KYAT3: variants seen among roughly 807,000 people sequenced by gnomAD.
KYAT3 encodes the protein kynurenine--oxoglutarate transaminase 3.
A neutral mutation model predicts 59.0 loss-of-function variants in KYAT3; 50 were observed. The ratio of observed to expected loss-of-function variants is 0.85; its 90% CI spans 0.68 to 1.07. The LOEUF (loss-of-function observed/expected upper bound fraction) is 1.07, where lower values mean the gene tolerates loss of function less well. KYAT3 is among the 50% of genes least tolerant of loss of function. The pLI is 0.00. For synonymous variants in KYAT3, 148 were observed against 177.0 expected (o/e 0.84, Z 1.30); for missense variants, 497 against 533.3 (o/e 0.93, Z 0.67).
chr1:88,953,564 AAAG>A (rs1466762064), intron 9 of KYAT3, among the ~76,000 whole-genome samples: 4 of 150,880 alleles, frequency 2.7e-5, no homozygotes, highest in Non-Finnish European at 1.5e-5. Context: ...AAAAAAAAAA[AAAG>A]TTCACACTAT....
chr1:88,937,276 T>G (rs1295712452), intron 13 of KYAT3, among the ~76,000 whole-genome samples: 1 of 151,960 alleles, frequency 6.6e-6, no homozygotes, highest in Admixed American at 6.5e-5. Flanking sequence ...AAAGCCCAGG[T>G]CGGGTGAAGA....
the KYAT3 span, among the ~76,000 whole-genome samples, chr1:88,930,325 C>G: frequency 6.6e-6 from 1 of 152,202 alleles, no homozygotes; most frequent in Non-Finnish European, 1.5e-5. Context: ...ATATCAGGCT[C>G]TATTACTTGA....
chr1:88,974,775 A>G (rs561283149), intron 2 of KYAT3, among the ~76,000 whole-genome samples: 55 of 152,284 alleles, frequency 3.6e-4, no homozygotes, highest in African/African-American at 1.2e-3. Context: ...GTCTTGCTAA[A>G]GGATTGTAAA....
intron 13 of KYAT3, among the ~76,000 whole-genome samples, chr1:88,937,668 C>T (rs1031964064): frequency 6.6e-6 from 1 of 152,022 alleles, no homozygotes; most frequent in Admixed American, 6.6e-5. Flanking sequence ...GCAAACACCA[C>T]CTTAATCAGG....
At chr1:88,935,377 A>G (rs985340131), downstream of KYAT3, among the ~76,000 whole-genome samples, 9 of 62,492 alleles carry the variant, frequency 1.4e-4, no homozygotes, top group African/African-American at 2.8e-4. Flanking sequence ...AGAGAGAGAG[A>G]AAAAAAAAAG....
chr1:88,952,954 C>A, intron 10 of KYAT3, 109 bp downstream of exon 10: 1 of 660,532 alleles, frequency 1.5e-6, no homozygotes. Flanking sequence ...ATTAGAAGGC[C>A]CTGCAACAGA....
Position 88,982,566 on chromosome 1 carries a change from G to C in KYAT3, c.99+5686C>G, listed in dbSNP as rs950158104. 3.2e-5 allele frequency: 48 copies of C among 1,482,720 alleles called. No homozygotes were observed. In the African/African-American group the frequency reaches 6.8e-4, roughly 21 times the overall value. 91.8% of individuals were successfully genotyped at this position (1,482,720 alleles called of 1,614,324 possible). ...AAAGGTAACACAATTTTTCCTTTTA[G>C]TAGTCCTTGGGTAGTTATGATAGAA... On this transcript the variant is annotated intron_variant, in intron 2 of 13. Transcript: ENST00000260508.
chr1:88,934,394 C>T (rs903857975), downstream of KYAT3, among the ~76,000 whole-genome samples: 2 of 152,082 alleles, frequency 1.3e-5, no homozygotes, highest in Non-Finnish European at 1.5e-5. Context: ...GCAGAGGTTG[C>T]GGTGAGCTGA....
chr1:88,950,912 T>G (rs1675640948), intron 10 of KYAT3, among the ~76,000 whole-genome samples: 1 of 152,222 alleles, frequency 6.6e-6, no homozygotes, highest in Non-Finnish European at 1.5e-5. Context: ...GACTCCCAGC[T>G]ACCTCTCTGA....
intron 5 of KYAT3, among the ~76,000 whole-genome samples, chr1:88,962,898 G>A (rs895301796): frequency 6.6e-6 from 1 of 152,054 alleles, no homozygotes; most frequent in African/African-American, 2.4e-5. Context: ...AAAATAAATT[G>A]GAGAGGCAGG....
At chr1:88,978,085 T>C (rs1676879124) in intron 2 of KYAT3, among the ~76,000 whole-genome samples, 1 of 151,956 alleles carries the variant, frequency 6.6e-6, no homozygotes, top group Admixed American at 6.6e-5. Context: ...TATACACATA[T>C]GTATATATGT....
intron 2 of KYAT3, among the ~76,000 whole-genome samples, chr1:88,987,007 C>A (rs767778534): frequency 2.6e-5 from 4 of 152,230 alleles, no homozygotes; most frequent in Non-Finnish European, 5.9e-5. Context: ...TACCACACAA[C>A]CCAACCATTC....
chr1:88,987,228 C>T (rs896052113), intron 2 of KYAT3, among the ~76,000 whole-genome samples: 1 of 152,142 alleles, frequency 6.6e-6, no homozygotes, highest in Admixed American at 6.5e-5. Context: ...ATTGTGCACA[C>T]AAATGCCCTT....
At chr1:88,942,190 T>TAG (rs1675257721) in intron 13 of KYAT3, among the ~76,000 whole-genome samples, 6 of 152,168 alleles carry the variant, frequency 3.9e-5, no homozygotes, top group Non-Finnish European at 7.3e-5. Context: ...TCTGACATCT[T>TAG]CAGTACTCTC....
intron 2 of KYAT3, among the ~76,000 whole-genome samples, chr1:88,985,265 T>C (rs1164615772): frequency 1.3e-5 from 2 of 152,204 alleles, no homozygotes; most frequent in Non-Finnish European, 2.9e-5. Flanking sequence ...CCCATATCAA[T>C]AGGCCTGGGG....
chr1:88,943,691 G>A (rs1675331718), intron 11 of KYAT3, among the ~76,000 whole-genome samples: 1 of 152,192 alleles, frequency 6.6e-6, no homozygotes, highest in Non-Finnish European at 1.5e-5. Context: ...AGCACAGGAA[G>A]AGAGTAGAAA....
At chr1:88,992,040 C>G in intron 1 of KYAT3, among the ~76,000 whole-genome samples, 1 of 149,270 alleles carries the variant, frequency 6.7e-6, no homozygotes. Flanking sequence ...GTGCAGTGGC[C>G]CGATCTCGGC....
chr1:88,938,748 G>A (rs1002738686), intron 13 of KYAT3, among the ~76,000 whole-genome samples: 2 of 152,136 alleles, frequency 1.3e-5, no homozygotes, highest in African/African-American at 4.8e-5. Flanking sequence ...AGTAGTCCAT[G>A]GTGTATATGT....
chr1:88,926,833 C>T, the KYAT3 span, among the ~76,000 whole-genome samples: 4 of 152,190 alleles, frequency 2.6e-5, no homozygotes, highest in Non-Finnish European at 5.9e-5. Flanking sequence ...CCCACACCCT[C>T]TCTGAAACAA....
Sources: allele counts gnomAD v4.1 joint callset (sites outside exome capture counted in the v4.1 genomes callset), GRCh38; gene constraint gnomAD v4.1.1; transcripts MANE v1.5; gene names NCBI Gene and HGNC (gene_info 2026-07-23, HGNC 2026-07-21).